PCDH9: variants seen among roughly 807,000 people sequenced by gnomAD.
PCDH9 encodes protocadherin-9.
PCDH9 carries 24 observed loss-of-function variants against 70.6 expected under a neutral mutation model. The observed-to-expected ratio is 0.34, with a 90% CI of 0.25 to 0.48. The LOEUF is 0.48. PCDH9 is among the 20% of genes least tolerant of loss of function. The pLI, the probability that PCDH9 is intolerant of heterozygous loss-of-function variation, is 0.99. For missense variants in PCDH9, 1,281 were observed against 1,503.6 expected, an observed-to-expected ratio of 0.85 and a Z score of 2.45; for synonymous variants, 562 against 558.5, an observed-to-expected ratio of 1.01 and a Z score of -0.09.
At chr13:67,134,064 A>G (rs974417583) in intron 2 of PCDH9, among the ~76,000 whole-genome samples, 4 of 152,126 alleles carry the variant, frequency 2.6e-5, no homozygotes, top group Admixed American at 2.6e-4. Context: ...AATAATTGAT[A>G]TTGAACAATT....
At chr13:66,567,502 G>C (rs1171125929) in intron 4 of PCDH9, among the ~76,000 whole-genome samples, 1 of 151,932 alleles carries the variant, frequency 6.6e-6, no homozygotes, top group African/African-American at 2.4e-5. Context: ...AAATCCATCT[G>C]TCTGCTAATA....
chr13:66,794,513 G>A (rs947582163), intron 3 of PCDH9, among the ~76,000 whole-genome samples: 4 of 152,196 alleles, frequency 2.6e-5, no homozygotes, highest in Middle Eastern at 3.4e-3. Context: ...CTGAAGAGAC[G>A]CAGCCTGCAC....
At chr13:67,196,642 T>G (rs1411038137) in intron 2 of PCDH9, among the ~76,000 whole-genome samples, 1 of 152,050 alleles carries the variant, frequency 6.6e-6, no homozygotes, top group Admixed American at 6.6e-5. Context: ...CAAAAATGAA[T>G]ACTGGGCAAG....
At position 67,145,804 on chromosome 13, in the gene PCDH9, T is replaced by A. The variant is rs532049661; in HGVS notation, c.3036+79601A>T. On this transcript the variant is annotated intron_variant, in intron 2 of 4. Transcript: ENST00000377865. ...ATATACTAGTATAATGAATGAAAAG[T>A]CTTCCTAAAGTGTTTAGAAAGTCAC... Among the ~76,000 whole-genome samples, 9 of 152,120 alleles carry A rather than the reference T, an allele frequency of 5.9e-5. No homozygotes were observed. The East Asian group carries it at 7.7e-4, about 13-fold the overall frequency.
intron 4 of PCDH9, among the ~76,000 whole-genome samples, chr13:66,536,651 C>T (rs535046353): frequency 7.9e-5 from 12 of 152,028 alleles, no homozygotes; most frequent in African/African-American, 2.4e-4. Context: ...CTGAATTCTA[C>T]AAAAATTTTC....
chr13:67,023,196 G>C (rs2084713767), intron 2 of PCDH9, among the ~76,000 whole-genome samples: 1 of 150,070 alleles, frequency 6.7e-6, no homozygotes, highest in Admixed American at 6.7e-5. Context: ...CGTTCTTTTA[G>C]AAGAATATTT....
intron 3 of PCDH9, among the ~76,000 whole-genome samples, chr13:66,889,619 T>C (rs772093499): frequency 2.0e-5 from 3 of 152,154 alleles, no homozygotes; most frequent in South Asian, 2.1e-4. Context: ...CAACTCCTTG[T>C]CACTTACTCC....
intron 2 of PCDH9, among the ~76,000 whole-genome samples, chr13:67,102,466 C>T (rs1365314055): frequency 6.6e-6 from 1 of 152,056 alleles, no homozygotes; most frequent in Non-Finnish European, 1.5e-5. Flanking sequence ...ACTCTAATAT[C>T]TGTTTTTAAT....
At chr13:66,720,298 A>T (rs1773728877) in intron 3 of PCDH9, among the ~76,000 whole-genome samples, 1 of 148,058 alleles carries the variant, frequency 6.8e-6, no homozygotes, top group African/African-American at 2.5e-5. Context: ...GGCACGTGCT[A>T]CCATACCTGG....
chr13:66,620,688 A>T (rs2077411318), intron 4 of PCDH9, among the ~76,000 whole-genome samples: 2 of 151,924 alleles, frequency 1.3e-5, no homozygotes, highest in Admixed American at 1.3e-4. Context: ...TACAAAAATC[A>T]GTGTTCCTTT....
At chr13:66,830,615 T>A (rs1171641929) in intron 3 of PCDH9, among the ~76,000 whole-genome samples, 2 of 152,240 alleles carry the variant, frequency 1.3e-5, no homozygotes, top group African/African-American at 2.4e-5. Flanking sequence ...TAAGGCCTGT[T>A]ACCTAATTGT....
chr13:66,943,726 T>C (rs916996689), intron 2 of PCDH9, among the ~76,000 whole-genome samples: 2 of 152,058 alleles, frequency 1.3e-5, no homozygotes, highest in African/African-American at 4.8e-5. Context: ...TGTCTCTTAG[T>C]GTAATTTTTC....
chr13:67,167,542 C>T (rs190692593), intron 2 of PCDH9, among the ~76,000 whole-genome samples: 10 of 152,030 alleles, frequency 6.6e-5, no homozygotes, highest in African/African-American at 2.2e-4. Flanking sequence ...TTTGATATGG[C>T]CTTCTAACTC....
intron 2 of PCDH9, among the ~76,000 whole-genome samples, chr13:67,145,504 C>T (rs1370535627): frequency 6.6e-6 from 1 of 151,870 alleles, no homozygotes; most frequent in African/African-American, 2.4e-5. Context: ...AGAGACTATT[C>T]ATGCTTAATA....
intron 3 of PCDH9, 125 bp from the exon 4 acceptor site, chr13:66,631,536 G>A: frequency 1.6e-6 from 1 of 610,346 alleles, no homozygotes; most frequent in African/African-American, 1.8e-5. Flanking sequence ...ACCAAACTAG[G>A]AACAAAGCTA....
At chr13:66,516,866 T>G (rs1177354422) in intron 4 of PCDH9, among the ~76,000 whole-genome samples, 1 of 152,172 alleles carries the variant, frequency 6.6e-6, no homozygotes, top group Non-Finnish European at 1.5e-5. Context: ...ATATCTTTCC[T>G]GTTAATTTTT....
chr13:66,415,298 G>C (rs150952137), intron 4 of PCDH9, among the ~76,000 whole-genome samples: 1 of 152,038 alleles, frequency 6.6e-6, no homozygotes, highest in Non-Finnish European at 1.5e-5. Flanking sequence ...TGAACTAAAA[G>C]CCCAGGAGAG....
chr13:67,043,688 A>G (rs567991409), intron 2 of PCDH9, among the ~76,000 whole-genome samples: 130 of 152,248 alleles, frequency 8.5e-4, no homozygotes, highest in Middle Eastern at 3.4e-3. Context: ...ATTTAACAAG[A>G]ATCCATAGTT....
Position 66,419,947 on chromosome 13 carries a change from G to A in PCDH9, c.3341-114919C>T, listed in dbSNP as rs61957607. ...GCTTGAAATTCTCGCTGCCAGCACA[G>A]CAGTCTGAAGTCTATCTGGGATGCT... On this transcript the variant is annotated intron_variant, in intron 4 of 4. Transcript: ENST00000377865. 2.1e-3 allele frequency among the ~76,000 whole-genome samples: 316 copies of A among 152,222 alleles called. 1 individual carries two copies. The highest frequency in any genetic ancestry group is 3.7e-3 in the Non-Finnish European group (249 of 68,014).
Sources: allele counts gnomAD v4.1 joint callset (sites outside exome capture counted in the v4.1 genomes callset), GRCh38; gene constraint gnomAD v4.1.1; transcripts MANE v1.5; gene names NCBI Gene and HGNC (gene_info 2026-07-23, HGNC 2026-07-21).